TTC21B: variants seen among roughly 807,000 people sequenced by gnomAD.
TTC21B encodes tetratricopeptide repeat protein 21B.
TTC21B carries 127 observed loss-of-function variants against 175.1 expected under a neutral mutation model. The ratio of observed to expected loss-of-function variants is 0.73; its 90% CI spans 0.63 to 0.84. TTC21B has a LOEUF of 0.84. Ranked by LOEUF, TTC21B falls within the 40% of genes least tolerant of loss-of-function variation. The pLI, the probability that TTC21B is intolerant of heterozygous loss-of-function variation, is 0.00. For missense variants in TTC21B, 1,561 were observed against 1,558.3 expected (o/e 1.00, Z -0.03); for synonymous variants, 524 against 524.5 (o/e 1.00, Z 0.01).
At chr2:165,881,559 C>T (rs187871303) in intron 26 of TTC21B, among the ~76,000 whole-genome samples, 13 of 152,118 alleles carry the variant, frequency 8.5e-5, no homozygotes, top group South Asian at 2.1e-4. Context: ...TTTCTCACAA[C>T]GCAGGTTAAT....
At chr2:165,888,555 A>C in intron 24 of TTC21B, 81 bp from the exon 25 acceptor site, 1 of 1,122,012 alleles carries the variant, frequency 8.9e-7, no homozygotes. Flanking sequence ...TTTTGTACAC[A>C]AAAGCTCTGG....
intron 1 of TTC21B, 178 bp from the exon 2 acceptor site, chr2:165,949,902 T>C (rs1687708776): frequency 1.8e-6 from 1 of 559,944 alleles, no homozygotes; most frequent in Admixed American, 3.4e-5. Context: ...ATTGCAGAAC[T>C]GAATGATCAT....
At chr2:165,910,971 C>T (rs912939309) in intron 18 of TTC21B, among the ~76,000 whole-genome samples, 3 of 152,072 alleles carry the variant, frequency 2.0e-5, no homozygotes, top group Non-Finnish European at 4.4e-5. Context: ...ATGACTTATG[C>T]ATTATATTCT....
At chr2:165,929,052 T>C in intron 11 of TTC21B, 83 bp downstream of exon 11, 3 of 1,210,260 alleles carry the variant, frequency 2.5e-6, no homozygotes, top group Non-Finnish European at 2.4e-6. Flanking sequence ...CGATATAGTC[T>C]AATGCATCAA....
At position 165,899,817 on chromosome 2, in the gene TTC21B, A is replaced by G. The variant is rs766079660; in HGVS notation, c.2821T>C (p.Cys941Arg). ...QDDPDSCLRQ[C>R]ALLLQSDQDN... ...TGGTCACTCTGAAGCAGTAGAGCAC[A>G]CTGCCGCAGGCAGGAATCAGGGTCA... is the stretch of plus-strand genomic sequence containing the variant. Residue 941 changes from cysteine (C) to arginine (R), a missense_variant, in exon 21 of 29, where the codon TGT (cysteine) becomes CGT (arginine). Coordinates refer to ENST00000243344, the MANE Select transcript of TTC21B (RefSeq NM_024753.5). The G allele has an allele frequency of 9.3e-6, 15 of 1,614,006 alleles. No homozygotes were observed. Among genetic ancestry groups the G allele is most frequent in the African/African-American group, 1.3e-5 (1 of 74,926 alleles).
intron 27 of TTC21B, among the ~76,000 whole-genome samples, chr2:165,877,634 T>G (rs1176827447): frequency 6.6e-6 from 1 of 152,206 alleles, no homozygotes; most frequent in Admixed American, 6.5e-5. Flanking sequence ...AATTGTCTAA[T>G]GATGCATATC....
intron 11 of TTC21B, chr2:165,928,709 T>C (rs1284212120): frequency 1.5e-5 from 1 of 66,998 alleles, no homozygotes; most frequent in Non-Finnish European, 4.2e-5. Flanking sequence ...TGGTCCTTTC[T>C]TTTTTTTTTT....
At position 165,929,200 on chromosome 2, in the gene TTC21B, CA is replaced by C. The variant is rs775836730; in HGVS notation, c.1320del (p.Phe440LeufsTer4). ...LEGLPLGIQY[F>X]EKLNPDFLLE... ...AACAAGAAATCAGGATTTAGCTTTT[CA>C]AAATACTGTATGCCAAGAGGCAAAC... On this transcript the variant is annotated frameshift_variant, in exon 11 of 29. Coordinates refer to ENST00000243344, the MANE Select transcript of TTC21B (RefSeq NM_024753.5). LOFTEE classifies it high-confidence loss of function. The C allele has an allele frequency of 6.6e-5, 107 of 1,612,878 alleles. No individual in the cohort carries two copies. Among genetic ancestry groups the C allele is most frequent in the Non-Finnish European group, 8.1e-5 (96 of 1,179,360 alleles).
Position 165,931,869 on chromosome 2 carries a change from G to C in TTC21B, c.796-13C>G, listed in dbSNP as rs755622881. On this transcript the variant is annotated splice_polypyrimidine_tract_variant and intron_variant, in intron 7 of 28. Transcript: ENST00000243344. Reference sequence around the variant, plus strand: ...GCTTGGTGGAAGCCTAAAACAAAAGGAACTGGTATTAACTTAAAATATACT... The same window carrying C: ...GCTTGGTGGAAGCCTAAAACAAAAGCAACTGGTATTAACTTAAAATATACT... 3 of 1,569,152 alleles carry C rather than the reference G, an allele frequency of 1.9e-6. No individual in the cohort carries two copies. The highest frequency in any genetic ancestry group is 2.6e-6 in the Non-Finnish European group (3 of 1,139,382).
chr2:165,924,772 T>A, intron 11 of TTC21B, 94 bp from the exon 12 acceptor site: 4 of 1,372,378 alleles, frequency 2.9e-6, no homozygotes, highest in Non-Finnish European at 4.0e-6. Context: ...CTAACCAAGC[T>A]ATATACATTT....
intron 11 of TTC21B, among the ~76,000 whole-genome samples, chr2:165,926,378 T>G (rs1205200810): frequency 2.6e-5 from 4 of 152,146 alleles, no homozygotes; most frequent in Non-Finnish European, 5.9e-5. Flanking sequence ...CCCATTGTAC[T>G]CAGAATTAAG....
chr2:165,924,549 C>T lies in TTC21B; in HGVS notation c.1516G>A (p.Gly506Ser). The T allele has an allele frequency of 6.2e-7, 1 of 1,612,922 alleles. No individual in the cohort carries two copies. The highest frequency in any genetic ancestry group is 8.5e-7 in the Non-Finnish European group (1 of 1,179,384). The change falls in exon 12 of 29, where the codon GGT (glycine) becomes AGT (serine). Residue 506 changes from glycine to serine, a missense_variant and splice_region_variant. Physicochemically the swap from Gly to Ser is moderately conservative, Grantham distance 56 (BLOSUM62 0). Coordinates refer to ENST00000243344, the MANE Select transcript of TTC21B (RefSeq NM_024753.5). ...TAAAAGTTTTTAAGGTATACTCTAC[C>T]TGACAAATATTTCACTTTTGCTATT... ...FLIAKVKYLS[G>S]DIEAAFNNLQ...
intron 15 of TTC21B, 151 bp from the exon 16 acceptor site, chr2:165,913,797 TCATGCATACCCA>T (rs1414279782): frequency 3.1e-6 from 2 of 635,538 alleles, no homozygotes; most frequent in Non-Finnish European, 5.5e-6. Context: ...TATAAAAACC[TCATGCATACCCA>T]CACCCAAATT....
chr2:165,876,431 G>A (rs1476126819), intron 27 of TTC21B, among the ~76,000 whole-genome samples, 199 bp from the exon 28 acceptor site: 1 of 152,184 alleles, frequency 6.6e-6, no homozygotes. Flanking sequence ...AGAAAAGAAA[G>A]TGGAGTTGGA....
chr2:165,915,430 TTGCCTCA>T lies in TTC21B; in HGVS notation c.1902_1908del (p.His634GlnfsTer30). 1 of 1,613,356 alleles carries T rather than the reference TTGCCTCA, an allele frequency of 6.2e-7. No individual in the cohort carries two copies. Among genetic ancestry groups the T allele is most frequent in the Non-Finnish European group, 8.5e-7 (1 of 1,179,282 alleles). ...TGGATGGCATCTTGTAAAACTTTGG[TTGCCTCA>T]TGCTGTAAAGATGAAATTAAAATAA... is the stretch of plus-strand genomic sequence containing the variant. On this transcript the variant is annotated frameshift_variant and splice_region_variant, in exon 15 of 29. Coordinates refer to ENST00000243344, the MANE Select transcript of TTC21B (RefSeq NM_024753.5). LOFTEE classifies it high-confidence loss of function.
chr2:165,953,757 T>G lies in TTC21B; in HGVS notation c.-52A>C. On this transcript the variant is annotated 5_prime_UTR_variant, in exon 1 of 29. Coordinates refer to ENST00000243344, the MANE Select transcript of TTC21B (RefSeq NM_024753.5). ...CTCTGGGGATTGTCTCGCCGCAGCC[T>G]AAAGGAAGACGCAGAATTCAGCTCC... is the stretch of plus-strand genomic sequence containing the variant. The G allele has an allele frequency of 6.5e-7, 1 of 1,546,750 alleles. No individual in the cohort carries two copies. Among genetic ancestry groups the G allele is most frequent in the Non-Finnish European group, 8.7e-7 (1 of 1,145,430 alleles).
chr2:165,892,068 C>T lies in TTC21B; in HGVS notation c.2951-1080G>A, dbSNP rs375250623. 5.3e-5 allele frequency among the ~76,000 whole-genome samples: 8 copies of T among 152,008 alleles called. No individual in the cohort carries two copies. In the East Asian group the frequency reaches 7.7e-4, roughly 15 times the overall value. On this transcript the variant is annotated intron_variant, in intron 22 of 28. Coordinates refer to ENST00000243344, the MANE Select transcript of TTC21B (RefSeq NM_024753.5). ...ACTGTCATTAAACAATCTTCTAAAA[C>T]GTGATTTTTAATGGTTGCATAAGGG...
rs932482998 is a variant in TTC21B, at chr2:165,927,905, G to C, written c.1386+1230C>G. ...AGCTATAGATCAGGGACAATGCTAA[G>C]AAGTTTGCTTTCAGCAATGGAACGC... On this transcript the variant is annotated intron_variant, in intron 11 of 28. Transcript: ENST00000243344. Among the ~76,000 whole-genome samples the C allele has an allele frequency of 2.6e-5, 4 of 152,224 alleles. No homozygotes were observed. In the East Asian group the frequency reaches 5.8e-4, roughly 22 times the overall value.
rs1283514650 is a variant in TTC21B at position 165,953,681 on chromosome 2, T to TCACCCGCG, written c.21+3_21+4insCGCGGGTG. The TCACCCGCG allele has an allele frequency of 3.3e-6, 5 of 1,504,852 alleles. No individual in the cohort carries two copies. The African/African-American group carries it at 6.9e-5, about 21-fold the overall frequency. The allele number at this position is 1,504,852 out of a possible 1,614,324, so 93.2% of individuals were successfully genotyped here. A position where few individuals can be genotyped will look rare whatever the true frequency, so the allele number is the denominator to read the frequency against. On this transcript the variant is annotated splice_donor_region_variant and intron_variant, in intron 1 of 28. Coordinates refer to ENST00000243344, the MANE Select transcript of TTC21B (RefSeq NM_024753.5). ...CTCACCCGCTCACCCGCTCACCCGC[T>TCACCCGCG]CACCTTCAATTCCTGCGAGTCCATG...
Sources: allele counts gnomAD v4.1 joint callset (sites outside exome capture counted in the v4.1 genomes callset), GRCh38; gene constraint gnomAD v4.1.1; transcripts MANE v1.5; gene names NCBI Gene and HGNC (gene_info 2026-07-23, HGNC 2026-07-21).